Variants in PTPRB observed in about 807,000 individuals in gnomAD.
PTPRB encodes protein tyrosine phosphatase receptor type B, also known as receptor-type tyrosine-protein phosphatase beta.
A neutral mutation model predicts 238.1 loss-of-function variants in PTPRB; 97 were observed. The ratio of observed to expected loss-of-function variants is 0.41; its 90% CI spans 0.35 to 0.48. The LOEUF is 0.48. Ranked by LOEUF, PTPRB falls within the 20% of genes least tolerant of loss-of-function variation. The pLI is 0.30. For missense variants in PTPRB, 2,292 were observed against 2,681.9 expected (o/e 0.85, Z 3.21); for synonymous variants, 970 against 995.4 (o/e 0.97, Z 0.48).
At chr12:70,559,840 C>CTT (rs10708359) in intron 17 of PTPRB, among the ~76,000 whole-genome samples, 4 of 118,200 alleles carry the variant, frequency 3.4e-5, no homozygotes, top group Non-Finnish European at 5.1e-5. Flanking sequence ...TTTTTTTTCA[C>CTT]TTTTTTTTTT....
chr12:70,540,009 T>TTTC lies in PTPRB; in HGVS notation c.5605_5607dup (p.Glu1869dup). The TTTC allele has an allele frequency of 6.2e-7, 1 of 1,608,376 alleles. No individual in the cohort carries two copies. Among genetic ancestry groups the TTTC allele is most frequent in the Non-Finnish European group, 8.5e-7 (1 of 1,174,912 alleles). On this transcript the variant is annotated inframe_insertion, in exon 24 of 34. Coordinates refer to ENST00000334414, the MANE Select transcript of PTPRB (RefSeq NM_001109754.4). ...CGAATGCTCAGACGGGCAGAGGGTC[T>TTTC]TTCTCGACCATGGCTGAAACATAAG...
At chr12:70,566,828 A>T in intron 14 of PTPRB, 124 bp from the exon 15 acceptor site, 3 of 1,042,580 alleles carry the variant, frequency 2.9e-6, no homozygotes, top group Non-Finnish European at 4.2e-6. Flanking sequence ...TTTGTGTGTC[A>T]TTGACACTTT....
At position 70,532,265 on chromosome 12, in the gene PTPRB, C is replaced by T. The variant is rs954374195; in HGVS notation, c.6369-95G>A. On this transcript the variant is annotated intron_variant, in intron 31 of 33. Coordinates refer to ENST00000334414, the MANE Select transcript of PTPRB (RefSeq NM_001109754.4). The stretch of plus-strand genomic sequence containing the variant: ...TCTGGCACAATCTTTTTTTTCCCTT[C>T]CCAGTTATGGGAGAAGATAGGAATA... 2.1e-5 allele frequency: 30 copies of T among 1,400,304 alleles called. 1 individual carries two copies. Among genetic ancestry groups the T allele is most frequent in the African/African-American group, 2.9e-5 (2 of 68,618 alleles). 86.7% of individuals were successfully genotyped at this position (1,400,304 alleles called of 1,614,324 possible). A position where few individuals can be genotyped will look rare whatever the true frequency, so the allele number is the denominator to read the frequency against.
At chr12:70,565,208 A>G (rs570794780) in intron 15 of PTPRB, among the ~76,000 whole-genome samples, 5 of 152,300 alleles carry the variant, frequency 3.3e-5, no homozygotes, top group African/African-American at 1.2e-4. Flanking sequence ...CTTTTTAAAG[A>G]TACATCTTTT....
chr12:70,567,605 C>T (rs1032389958), intron 14 of PTPRB, among the ~76,000 whole-genome samples: 9 of 152,220 alleles, frequency 5.9e-5, no homozygotes, highest in Non-Finnish European at 1.3e-4. Context: ...CCACATCATA[C>T]CCTTTAGCAA....
In PTPRB at chr12:70,569,727, A is replaced by C. The variant is rs778350821; in HGVS notation, c.3582T>G (p.Ile1194Met). The C allele has an allele frequency of 1.2e-6, 2 of 1,613,792 alleles. No individual in the cohort carries two copies. Among genetic ancestry groups the C allele is most frequent in the African/African-American group, 2.7e-5 (2 of 74,902 alleles). ...TCTTCAGGGACCCGCTGACTGAGGCAATCATGATCTGGTACTGCTCCCCGG... is the reference window on the plus strand; with the variant it reads ...TCTTCAGGGACCCGCTGACTGAGGCCATCATGATCTGGTACTGCTCCCCGG... ...LEAGEQYQIMIASVSGSLKNQ... is the reference protein window; with the variant it reads ...LEAGEQYQIMMASVSGSLKNQ... Residue 1194 changes from isoleucine (I) to methionine (M), a missense_variant, in exon 14 of 34, where the codon ATT becomes ATG. This residue lies in a region of PTPRB where 683 missense variants were observed against 862.0 expected (regional missense o/e 0.79). Transcript: ENST00000334414.
chr12:70,559,480 G>A lies in PTPRB; in HGVS notation c.4577C>T (p.Pro1526Leu). Residue 1526 changes from proline to leucine, a missense_variant, in exon 18 of 34, where the codon CCC becomes CTC. Transcript: ENST00000334414. ...LPRDALTVFNPYNNRKSEGRI... is the reference protein window; with the variant it reads ...LPRDALTVFNLYNNRKSEGRI... ...TCCTTCTGATTTTCTGTTGTTGTAG[G>A]GGTTGAAGACAGTAAGTGCATCTCT... The A allele has an allele frequency of 6.2e-7, 1 of 1,613,964 alleles. No homozygotes were observed. Among genetic ancestry groups the A allele is most frequent in the Non-Finnish European group, 8.5e-7 (1 of 1,179,882 alleles).
chr12:70,608,949 T>C, intron 4 of PTPRB, 120 bp downstream of exon 4: 2 of 1,324,012 alleles, frequency 1.5e-6, no homozygotes, highest in South Asian at 2.8e-5. Flanking sequence ...AATATTTATC[T>C]TCACAGGTAT....
chr12:70,555,524 A>G (rs1359633081), intron 19 of PTPRB, among the ~76,000 whole-genome samples: 1 of 152,198 alleles, frequency 6.6e-6, no homozygotes, highest in African/African-American at 2.4e-5. Context: ...ATTAAACATA[A>G]TGAAAGAGGT....
At chr12:70,586,748 CT>C (rs1881952751) in intron 9 of PTPRB, among the ~76,000 whole-genome samples, 1 of 152,192 alleles carries the variant, frequency 6.6e-6, no homozygotes, top group Non-Finnish European at 1.5e-5. Context: ...CTCTGCTCTC[CT>C]TTACAGCAAA....
In PTPRB at chr12:70,596,138, T is replaced by C. The variant is rs149277107; in HGVS notation, c.1169A>G (p.Asn390Ser). 5.0e-5 allele frequency: 80 copies of C among 1,613,458 alleles called. No homozygotes were observed. In the East Asian group the frequency reaches 8.9e-4, roughly 18 times the overall value. ...STSWNEYTFF[N>S]LTAGSKYNIA... ...ATTGTATTTACTACCAGCAGTGAGA[T>C]TGAAAAAAGTGTATTCATTCCATGA... Residue 390 changes from asparagine (N) to serine (S), a missense_variant, in exon 5 of 34, where the codon AAT becomes AGT. Physicochemically the swap from Asn to Ser is conservative, Grantham distance 46. Transcript: ENST00000334414.
chr12:70,632,132 T>C (rs1291725302), intron 2 of PTPRB, among the ~76,000 whole-genome samples: 3 of 152,202 alleles, frequency 2.0e-5, no homozygotes, highest in African/African-American at 7.2e-5. Context: ...TGCACGTGTA[T>C]ATTTATTGTG....
chr12:70,518,971 G>T lies in PTPRB; in HGVS notation c.*2518C>A, dbSNP rs1227803182. 1 of 151,792 alleles carries T rather than the reference G, an allele frequency of 6.6e-6. No individual in the cohort carries two copies. Among genetic ancestry groups the T allele is most frequent in the Non-Finnish European group, 1.5e-5 (1 of 67,976 alleles). 9.4% of individuals were successfully genotyped at this position (151,792 alleles called of 1,614,324 possible). ...ATTAAATGGAAATAAATCCAATAGAGCTGAATGTCAAGGAAAACTTTTTTT... is the reference window on the plus strand; with the variant it reads ...ATTAAATGGAAATAAATCCAATAGATCTGAATGTCAAGGAAAACTTTTTTT... On this transcript the variant is annotated 3_prime_UTR_variant, in exon 34 of 34. Coordinates refer to ENST00000334414, the MANE Select transcript of PTPRB (RefSeq NM_001109754.4).
intron 24 of PTPRB, 29 bp from the exon 25 acceptor site, chr12:70,539,873 T>C (rs1565916512): frequency 6.3e-7 from 1 of 1,576,970 alleles, no homozygotes; most frequent in Non-Finnish European, 8.7e-7. Flanking sequence ...AGAGGAAGAC[T>C]TTGTTAGCAA....
chr12:70,533,326 G>A (rs748153356), intron 31 of PTPRB, among the ~76,000 whole-genome samples: 9 of 152,162 alleles, frequency 5.9e-5, no homozygotes, highest in Admixed American at 2.0e-4. Flanking sequence ...TAGGAAAGCA[G>A]GGCTCCTAGG....
In PTPRB at chr12:70,571,203, C is replaced by G; in HGVS notation, c.3193G>C (p.Asp1065His). The G allele has an allele frequency of 6.2e-7, 1 of 1,613,902 alleles. No individual in the cohort carries two copies. Among genetic ancestry groups the G allele is most frequent in the Non-Finnish European group, 8.5e-7 (1 of 1,179,864 alleles). ...AAGAGCAGCTGGATCTCATATTGGT[C>G]GACATCCCCATTAGCTCCTGACCAA... ...VTWSGANGDV[D>H]QYEIQLLFND... is the part of the protein sequence containing the mutation. Residue 1065 changes from aspartate to histidine, a missense_variant, in exon 13 of 34, where the codon GAC (aspartate) becomes CAC (histidine). Asp to His is a moderately conservative substitution (Grantham distance 81). Coordinates refer to ENST00000334414, the MANE Select transcript of PTPRB (RefSeq NM_001109754.4).
chr12:70,617,841 GC>G (rs1884748331), intron 3 of PTPRB, among the ~76,000 whole-genome samples: 1 of 146,442 alleles, frequency 6.8e-6, no homozygotes, highest in South Asian at 2.3e-4. Flanking sequence ...CTTCTCCCAG[GC>G]CGGAGCAAGG....
intron 14 of PTPRB, among the ~76,000 whole-genome samples, chr12:70,568,347 G>C (rs1333971981): frequency 2.0e-5 from 3 of 152,014 alleles, no homozygotes. Flanking sequence ...CACCAAGCTG[G>C]AGTGCAGTGG....
intron 21 of PTPRB, among the ~76,000 whole-genome samples, chr12:70,550,114 CG>C (rs1876660633): frequency 1.3e-5 from 2 of 152,156 alleles, no homozygotes; most frequent in Non-Finnish European, 2.9e-5. Context: ...TGTAGGCAGA[CG>C]GTGATGGGGA....
Sources: gnomAD v4.1 joint callset for allele counts (sites outside exome capture counted in the v4.1 genomes callset) on GRCh38, gnomAD v4.1.1 for gene constraint, gnomAD v4.1.1 regional missense constraint, MANE v1.5 for transcripts, NCBI Gene and HGNC (gene_info 2026-07-23, HGNC 2026-07-21) for gene names.